Variants in RANBP10 observed in about 807,000 individuals in gnomAD.
RANBP10 encodes the protein ran-binding protein 10.
In RANBP10, 24 loss-of-function variants were observed where a neutral mutation model predicts 72.8. The observed-to-expected ratio is 0.33, with a 90% CI of 0.24 to 0.46. The LOEUF (loss-of-function observed/expected upper bound fraction) is 0.46. Ranked by LOEUF, RANBP10 falls within the 20% of genes least tolerant of loss-of-function variation. RANBP10 has a pLI of 1.00. For synonymous variants in RANBP10, 310 were observed against 322.3 expected, an observed-to-expected ratio of 0.96 and a Z score of 0.41; for missense variants, 679 against 817.5, an observed-to-expected ratio of 0.83 and a Z score of 2.07.
intron 13 of RANBP10, among the ~76,000 whole-genome samples, chr16:67,726,800 C>T (rs1330381527): frequency 1.3e-5 from 2 of 152,196 alleles, no homozygotes; most frequent in Non-Finnish European, 2.9e-5. Context: ...GGCCTAGGAC[C>T]CATCATGAAC....
intron 2 of RANBP10, among the ~76,000 whole-genome samples, chr16:67,778,110 G>A (rs2054741865): frequency 6.6e-6 from 1 of 152,204 alleles, no homozygotes. Flanking sequence ...AGCACTTCAG[G>A]AGGCCAAAGT....
At chr16:67,750,384 C>T (rs1227668885) in intron 3 of RANBP10, among the ~76,000 whole-genome samples, 1 of 152,230 alleles carries the variant, frequency 6.6e-6, no homozygotes, top group Admixed American at 6.5e-5. Context: ...TGGAGTCTTT[C>T]ATAACATCTT....
intron 2 of RANBP10, among the ~76,000 whole-genome samples, chr16:67,800,790 GCAC>G (rs999340368): frequency 6.6e-6 from 1 of 152,136 alleles, no homozygotes; most frequent in African/African-American, 2.4e-5. Flanking sequence ...AGAAAGCCTA[GCAC>G]CCAGAAGTCA....
At position 67,730,788 on chromosome 16, in the gene RANBP10, G is replaced by T. The variant is rs2143001570; in HGVS notation, c.889+684C>A. On this transcript the variant is annotated intron_variant, in intron 7 of 13. Coordinates refer to ENST00000317506, the MANE Select transcript of RANBP10 (RefSeq NM_020850.3). This position sits in a 1 kb window ranked among gnomAD's most constrained non-coding sequence, Gnocchi z 4.3. ...CAGAAGAGACAGCAGGCTTGGAGAG[G>T]GGTAGGCAGGCACTCACAGACACGC... 6.6e-6 allele frequency among the ~76,000 whole-genome samples: 1 copy of T among 152,236 alleles called. No homozygotes were observed. Among genetic ancestry groups the T allele is most frequent in the South Asian group, 2.1e-4 (1 of 4,822 alleles).
In RANBP10 at chr16:67,772,165, G is replaced by C. The variant is rs2054620150; in HGVS notation, c.348-79C>G. 3.4e-6 allele frequency: 5 copies of C among 1,455,106 alleles called. No individual in the cohort carries two copies. The South Asian group carries it at 3.7e-5, about 11-fold the overall frequency. The allele number at this position is 1,455,106 out of a possible 1,614,324, so 90.1% of individuals were successfully genotyped here. A position where few individuals can be genotyped will look rare whatever the true frequency, so the allele number is the denominator to read the frequency against. The stretch of plus-strand genomic sequence containing the variant: ...GCGTCTCCCTTCTCAAACATTTATT[G>C]GTAAAAGACAGAAAAATGAGAAAAG... On this transcript the variant is annotated intron_variant, in intron 2 of 13. Coordinates refer to ENST00000317506, the MANE Select transcript of RANBP10 (RefSeq NM_020850.3).
At chr16:67,792,916 G>A (rs1302919791) in intron 2 of RANBP10, among the ~76,000 whole-genome samples, 4 of 151,966 alleles carry the variant, frequency 2.6e-5, no homozygotes, top group African/African-American at 7.3e-5. Context: ...AAAGCACCCC[G>A]AGAGATTACC....
chr16:67,734,170 C>A (rs2053792519), intron 6 of RANBP10, among the ~76,000 whole-genome samples: 1 of 152,260 alleles, frequency 6.6e-6, no homozygotes, highest in South Asian at 2.1e-4. Flanking sequence ...AGGGCAATGA[C>A]CACAGGCAGT....
chr16:67,735,836 A>T (rs1597832388), intron 5 of RANBP10: 1 of 151,862 alleles, frequency 6.6e-6, no homozygotes, highest in Admixed American at 6.6e-5. Flanking sequence ...GCAGGAAAGG[A>T]GGGAGGAGGG....
chr16:67,765,199 C>CAAAAAAAAAAAAA, intron 3 of RANBP10, among the ~76,000 whole-genome samples: 1 of 11,642 alleles, frequency 8.6e-5, no homozygotes, highest in Non-Finnish European at 2.2e-4. Context: ...GACTCCATCT[C>CAAAAAAAAAAAAA]AAAAAAAAAA....
At chr16:67,737,083 C>A (rs796711424) in intron 5 of RANBP10, among the ~76,000 whole-genome samples, 45 of 144,154 alleles carry the variant, frequency 3.1e-4, no homozygotes, top group African/African-American at 1.1e-3. Flanking sequence ...AGTACAGGTG[C>A]GGGATGGCTG....
chr16:67,773,705 T>A (rs949911336), intron 2 of RANBP10, among the ~76,000 whole-genome samples: 1 of 151,948 alleles, frequency 6.6e-6, no homozygotes, highest in Non-Finnish European at 1.5e-5. Flanking sequence ...GGGAAAAAGG[T>A]AGAGAAGGGA....
intron 3 of RANBP10, among the ~76,000 whole-genome samples, chr16:67,765,528 A>C (rs1185669711): frequency 6.6e-6 from 1 of 151,976 alleles, no homozygotes; most frequent in Non-Finnish European, 1.5e-5. Context: ...ACTCCATCTC[A>C]AAAAAATAAA....
intron 2 of RANBP10, among the ~76,000 whole-genome samples, chr16:67,772,331 C>T (rs1226805344): frequency 4.6e-5 from 7 of 152,106 alleles, no homozygotes; most frequent in African/African-American, 9.7e-5. Flanking sequence ...TATGAACCAC[C>T]GGCTTCAATT....
At chr16:67,788,562 T>G (rs547996861) in intron 2 of RANBP10, among the ~76,000 whole-genome samples, 3 of 150,846 alleles carry the variant, frequency 2.0e-5, no homozygotes, top group African/African-American at 7.3e-5. Context: ...AGCCCTTTTT[T>G]TTGTATTTTT....
At chr16:67,783,771 C>T (rs1158467803) in intron 2 of RANBP10, among the ~76,000 whole-genome samples, 1 of 152,120 alleles carries the variant, frequency 6.6e-6, no homozygotes, top group Admixed American at 6.6e-5. Flanking sequence ...AGGCTGAGTG[C>T]GGTGGCTCAC....
intron 2 of RANBP10, among the ~76,000 whole-genome samples, chr16:67,791,032 G>A (rs1435105609): frequency 1.8e-5 from 2 of 110,064 alleles, no homozygotes; most frequent in Non-Finnish European, 3.7e-5. Flanking sequence ...TTTTTTTTTT[G>A]AGACAGAGTC....
At chr16:67,734,801 G>A (rs903752680) in intron 6 of RANBP10, 57 bp downstream of exon 6, 1 of 1,466,302 alleles carries the variant, frequency 6.8e-7, no homozygotes, top group Non-Finnish European at 9.0e-7. Context: ...CAGGGGCCTA[G>A]AGTGAAGTGG....
chr16:67,790,301 A>G (rs2143018221), intron 2 of RANBP10, among the ~76,000 whole-genome samples: 1 of 151,876 alleles, frequency 6.6e-6, no homozygotes, highest in Non-Finnish European at 1.5e-5. Context: ...AGGAGGAAGG[A>G]GAAATGGAGA....
chr16:67,758,008 A>G (rs2054321657), intron 3 of RANBP10, among the ~76,000 whole-genome samples: 1 of 152,222 alleles, frequency 6.6e-6, no homozygotes, highest in Non-Finnish European at 1.5e-5. Context: ...TAGGCCCTCC[A>G]CTGAGATAGG....
Sources: gnomAD v4.1 joint callset for allele counts (sites outside exome capture counted in the v4.1 genomes callset) on GRCh38, gnomAD v4.1.1 for gene constraint, Gnocchi (gnomAD v3.1) non-coding constraint, MANE v1.5 for transcripts, NCBI Gene and HGNC (gene_info 2026-07-23, HGNC 2026-07-21) for gene names.